VWF: variants seen among roughly 807,000 people sequenced by gnomAD.
The protein encoded by VWF is Factor VIII related antigen.
In VWF, 176 loss-of-function variants were observed where a neutral mutation model predicts 308.6. The observed-to-expected ratio is 0.57, with a 90% confidence interval of 0.50 to 0.65. VWF has a LOEUF of 0.65. VWF is among the 30% of genes least tolerant of loss of function. The pLI, the probability that VWF is intolerant of heterozygous loss-of-function variation, is 0.00. For missense variants in VWF, 3,146 were observed against 3,648.2 expected (o/e 0.86, Z 3.55); for synonymous variants, 1,385 against 1,443.4 (o/e 0.96, Z 0.92).
At position 6,110,497 on chromosome 12, in the gene VWF, C is replaced by A. The variant is rs71582882; in HGVS notation, c.409G>T (p.Val137Leu). ...YKLSGEAYGF[V>L]ARIDGSGNFQ... The stretch of plus-strand genomic sequence containing the variant: ...TTGCCGCTGCCATCGATCCTGGCCA[C>A]AAAGCCATAGGCCTCACCGGACAGC... Residue 137 changes from valine to leucine, a missense_variant, in exon 5 of 52, where the codon GTG becomes TTG. Physicochemically the swap from Val to Leu is conservative, Grantham distance 32. This residue lies in a region of VWF where 1,304 missense variants were observed against 1,353.0 expected (regional missense o/e 0.96). Coordinates refer to ENST00000261405, the MANE Select transcript of VWF (RefSeq NM_000552.5). 291 of 1,614,176 alleles carry A rather than the reference C, an allele frequency of 1.8e-4. 2 individuals carry two copies. The African/African-American group carries it at 3.3e-3, about 18-fold the overall frequency.
intron 10 of VWF, among the ~76,000 whole-genome samples, chr12:6,071,068 G>A (rs1324927795): frequency 2.0e-5 from 3 of 152,216 alleles, no homozygotes; most frequent in African/African-American, 7.2e-5. Flanking sequence ...TCTGAACGCA[G>A]GTGCATTCTC....
At chr12:6,044,899 A>G (rs889725167) in intron 17 of VWF, among the ~76,000 whole-genome samples, 8 of 152,184 alleles carry the variant, frequency 5.3e-5, no homozygotes, top group Non-Finnish European at 1.2e-4. Context: ...GCTTTAAAAG[A>G]GATCTCTGCT....
chr12:5,981,904 T>C lies in VWF; in HGVS notation c.7169A>G (p.Asp2390Gly). 6.7e-7 allele frequency: 1 copy of C among 1,490,726 alleles called. No homozygotes were observed. The highest frequency in any genetic ancestry group is 9.0e-7 in the Non-Finnish European group (1 of 1,105,472). 92.3% of individuals were successfully genotyped at this position (1,490,726 alleles called of 1,614,324 possible). The part of the protein sequence containing the change: ...LPTLRKTQCC[D>G]EYECACNCVN... ...ACAGTTGCAGGCACACTCATACTCA[T>C]CACAGCACTGGGTCTTCCGAAGGGT... Residue 2390 changes from aspartate to glycine, a missense_variant, in exon 42 of 52, where the codon GAT becomes GGT. Around this residue, in one of 3 missense-constraint regions of VWF, gnomAD observed 989 missense variants for 1,117.4 expected, o/e 0.89. Transcript: ENST00000261405.
intron 34 of VWF, among the ~76,000 whole-genome samples, chr12:5,998,075 T>C (rs943997741): frequency 6.6e-6 from 1 of 152,180 alleles, no homozygotes; most frequent in East Asian, 1.9e-4. Context: ...TGATTGAATA[T>C]TATATTAAAA....
At chr12:6,013,798 A>G (rs1420471676) in intron 31 of VWF, among the ~76,000 whole-genome samples, 153 bp from the exon 32 acceptor site, 1 of 152,182 alleles carries the variant, frequency 6.6e-6, no homozygotes, top group African/African-American at 2.4e-5. Context: ...GTCAACAGAT[A>G]TTAATGAGCT....
intron 34 of VWF, among the ~76,000 whole-genome samples, chr12:6,001,049 T>C (rs1423391163): frequency 2.0e-5 from 3 of 152,108 alleles, no homozygotes; most frequent in African/African-American, 7.2e-5. Flanking sequence ...TAGAATAACC[T>C]CATTGATTGT....
At chr12:6,023,484 C>T in intron 25 of VWF, 147 bp downstream of exon 25, 3 of 1,167,852 alleles carry the variant, frequency 2.6e-6, no homozygotes, top group Non-Finnish European at 3.7e-6. Flanking sequence ...ATGTCTTAAC[C>T]CTCCTTAGCC....
chr12:6,034,701 T>C lies in VWF; in HGVS notation c.2672A>G (p.Tyr891Cys). ...LKYLFPGECQ[Y>C]VLVQDYCGSN... ...CCCACCTCTCACCTGCACCAGAACG[T>C]ACTGGCACTCCCCGGGGAACAGGTA... is the stretch of plus-strand genomic sequence containing the variant. Residue 891 changes from tyrosine (Y) to cysteine (C), a missense_variant, in exon 20 of 52, where the codon TAC becomes TGC. Coordinates refer to ENST00000261405, the MANE Select transcript of VWF (RefSeq NM_000552.5). 1 of 1,614,006 alleles carries C rather than the reference T, an allele frequency of 6.2e-7. No homozygotes were observed. Among genetic ancestry groups the C allele is most frequent in the South Asian group, 1.1e-5 (1 of 91,068 alleles).
chr12:6,019,118 CAGGG>C lies in VWF; in HGVS notation c.4296_4299del (p.Pro1433ArgfsTer7). ...CTGCTCAGCACGAAGGCCTTGTTCTCAGGGGCCTGCTTCTCGATGAGGCGGATCT... is the reference window on the plus strand; with the variant it reads ...CTGCTCAGCACGAAGGCCTTGTTCTCGCCTGCTTCTCGATGAGGCGGATCT... On this transcript the variant is annotated frameshift_variant, in exon 28 of 52. Transcript: ENST00000261405. LOFTEE classifies it high-confidence loss of function. This position sits in a 1 kb window ranked among gnomAD's most constrained non-coding sequence, Gnocchi z 5.8. 1 of 1,613,910 alleles carries C rather than the reference CAGGG, an allele frequency of 6.2e-7. No homozygotes were observed. Among genetic ancestry groups the C allele is most frequent in the Middle Eastern group, 1.7e-4 (1 of 6,056 alleles).
At chr12:6,017,685 C>T (rs969596318) in intron 28 of VWF, among the ~76,000 whole-genome samples, 2 of 152,028 alleles carry the variant, frequency 1.3e-5, no homozygotes, top group African/African-American at 4.8e-5. Context: ...ATTATTATCC[C>T]CATTTTATAG....
Position 6,011,676 on chromosome 12 carries a change from G to A in VWF, c.5783C>T (p.Pro1928Leu). Residue 1928 changes from proline (P) to leucine (L), a missense_variant, in exon 34 of 52, where the codon CCT becomes CTT. Coordinates refer to ENST00000261405, the MANE Select transcript of VWF (RefSeq NM_000552.5). Reference protein sequence around the residue: ...NCDRGLRPSCPNSQSPVKVEE... With the variant: ...NCDRGLRPSCLNSQSPVKVEE... Reference sequence around the variant, plus strand: ...CACTTTAACAGGGGACTGGCTGTTAGGGCACGAAGGCCTCAGCCCCCGGTC... The same window carrying A: ...CACTTTAACAGGGGACTGGCTGTTAAGGCACGAAGGCCTCAGCCCCCGGTC... 6.2e-7 allele frequency: 1 copy of A among 1,613,802 alleles called. No individual in the cohort carries two copies. Among genetic ancestry groups the A allele is most frequent in the Non-Finnish European group, 8.5e-7 (1 of 1,179,836 alleles).
At chr12:6,069,581 G>T (rs984697477) in intron 10 of VWF, among the ~76,000 whole-genome samples, 2 of 152,178 alleles carry the variant, frequency 1.3e-5, no homozygotes, top group Non-Finnish European at 2.9e-5. Context: ...TCATGGCAGG[G>T]TGTGGAAATA....
chr12:5,951,732 C>A, intron 50 of VWF, 112 bp downstream of exon 50: 1 of 1,200,450 alleles, frequency 8.3e-7, no homozygotes, highest in South Asian at 1.2e-5. Context: ...ATAAAGCTTA[C>A]TCCAAAGAAC....
intron 50 of VWF, 68 bp from the exon 51 acceptor site, chr12:5,949,951 G>T: frequency 7.0e-7 from 1 of 1,437,862 alleles, no homozygotes; most frequent in Non-Finnish European, 9.7e-7. Context: ...TTCAGCCCCA[G>T]TGCCCTCACT....
rs112165723 is a variant in VWF, at chr12:6,015,925, C to T, written c.5455+164G>A. Among the ~76,000 whole-genome samples, 16 of 152,290 alleles carry T rather than the reference C, an allele frequency of 1.1e-4. No individual in the cohort carries two copies. The South Asian group carries it at 2.9e-3, about 28-fold the overall frequency. ...TTATTGTTTGGTTTCCTAATCACAT[C>T]GTGGTTGGATAATTTCCTGCTGTTT... is the stretch of plus-strand genomic sequence containing the variant. On this transcript the variant is annotated intron_variant, in intron 31 of 51. Transcript: ENST00000261405.
chr12:5,985,079 C>G lies in VWF; in HGVS notation c.6942G>C (p.Gln2314His). Residue 2314 changes from glutamine to histidine, a missense_variant, in exon 40 of 52, where the codon CAG becomes CAC. Coordinates refer to ENST00000261405, the MANE Select transcript of VWF (RefSeq NM_000552.5). ...ACTCGGGGCAGCACTGGTCTGCATT[C>G]TGGCGGAGGCGGGCTACTTCACACA... ...CGLCEVARLR[Q>H]NADQCCPEYE... 6.2e-7 allele frequency: 1 copy of G among 1,614,204 alleles called. No homozygotes were observed. The highest frequency in any genetic ancestry group is 8.5e-7 in the Non-Finnish European group (1 of 1,180,024).
In VWF at chr12:6,018,801, C is replaced by A; in HGVS notation, c.4617G>T (p.Val1539=). Reference sequence around the variant, plus strand: ...CAGTCACCATGTAGGAGTACTGCAGCACCGTGACGTGGATGCTGTCCTGGC... The same window carrying A: ...CAGTCACCATGTAGGAGTACTGCAGAACCGTGACGTGGATGCTGTCCTGGC... ...DVGQDSIHVT[V]LQYSYMVTVE... The change falls in exon 28 of 52, where the codon GTG becomes GTT. Residue 1539 remains valine, a synonymous_variant. Transcript: ENST00000261405. 1 of 1,613,908 alleles carries A rather than the reference C, an allele frequency of 6.2e-7. No individual in the cohort carries two copies. The highest frequency in any genetic ancestry group is 2.2e-5 in the East Asian group (1 of 44,880).
At chr12:6,073,394 C>T (rs1405314319) in intron 8 of VWF, among the ~76,000 whole-genome samples, 1 of 152,194 alleles carries the variant, frequency 6.6e-6, no homozygotes, top group Non-Finnish European at 1.5e-5. Context: ...CCTCCAATTT[C>T]CCTCAACACA....
intron 15 of VWF, among the ~76,000 whole-genome samples, chr12:6,053,825 A>C (rs1455937011): frequency 6.6e-6 from 1 of 152,248 alleles, no homozygotes; most frequent in Admixed American, 6.5e-5. Flanking sequence ...AATAATTATT[A>C]TTCTTATTGC....
Sources: gnomAD v4.1 joint callset for allele counts (sites outside exome capture counted in the v4.1 genomes callset) on GRCh38, gnomAD v4.1.1 for gene constraint, gnomAD v4.1.1 regional missense constraint, Gnocchi (gnomAD v3.1) non-coding constraint, MANE v1.5 for transcripts, NCBI Gene and HGNC (gene_info 2026-07-23, HGNC 2026-07-21) for gene names.